The following INVS variants were observed in gnomAD, a reference collection of about 807,000 sequenced individuals.
INVS encodes the protein inversion of embryo turning homolog.
INVS carries 86 observed loss-of-function variants against 108.8 expected under a neutral mutation model. The observed-to-expected ratio is 0.79, with a 90% CI of 0.66 to 0.95. INVS has a LOEUF of 0.95. Among genes scored for constraint, INVS ranks in the 40% least tolerant of loss-of-function variants. The pLI is 0.00. For synonymous variants in INVS, 455 were observed against 473.5 expected (o/e 0.96, Z 0.51); for missense variants, 1,169 against 1,297.4 (o/e 0.90, Z 1.52).
At chr9:100,139,117 G>T (rs1034377810) in intron 3 of INVS, among the ~76,000 whole-genome samples, 3 of 152,162 alleles carry the variant, frequency 2.0e-5, no homozygotes, top group Non-Finnish European at 4.4e-5. Context: ...ATATTATAGG[G>T]TACAGAAATG....
intron 3 of INVS, chr9:100,129,706 T>C (rs1274043835): frequency 7.0e-6 from 5 of 713,456 alleles, no homozygotes; most frequent in Non-Finnish European, 1.0e-5. Flanking sequence ...AGGCAGGATC[T>C]AAGAGACTAC....
At chr9:100,195,539 G>A (rs934152864) in intron 3 of INVS, among the ~76,000 whole-genome samples, 4 of 151,924 alleles carry the variant, frequency 2.6e-5, no homozygotes, top group Non-Finnish European at 4.4e-5. Context: ...TCAAGCTGGA[G>A]TGCAGTGATG....
At position 100,300,629 on chromosome 9, in the gene INVS, T is replaced by C. The variant is rs764214687; in HGVS notation, c.3153T>C (p.Tyr1051=). The C allele has an allele frequency of 1.2e-5, 19 of 1,613,914 alleles. No homozygotes were observed. The African/African-American group carries it at 1.2e-4, about 10-fold the overall frequency. The change falls in exon 17 of 17, where the codon TAT becomes TAC. Residue 1051 remains tyrosine, a synonymous_variant. Coordinates refer to ENST00000262457, the MANE Select transcript of INVS (RefSeq NM_014425.5). Reference sequence around the variant, plus strand: ...GTGGAAGATCAAAGAACTTTTCTTATAACCTGCAATCAGCTACTCAGCCAA... The same window carrying C: ...GTGGAAGATCAAAGAACTTTTCTTACAACCTGCAATCAGCTACTCAGCCAA... ...ENSGRSKNFS[Y]NLQSATQPKN... is the part of the protein sequence containing the mutation.
At chr9:100,177,394 A>T (rs1829751378) in intron 3 of INVS, among the ~76,000 whole-genome samples, 1 of 152,228 alleles carries the variant, frequency 6.6e-6, no homozygotes, top group Non-Finnish European at 1.5e-5. Context: ...TCTTGCTGCC[A>T]TCACAGCAGT....
At chr9:100,123,842 G>A (rs1009835487) in intron 2 of INVS, among the ~76,000 whole-genome samples, 3 of 152,134 alleles carry the variant, frequency 2.0e-5, no homozygotes, top group African/African-American at 7.2e-5. Flanking sequence ...TTTTTGTTCT[G>A]TTACCCAGGC....
In INVS at chr9:100,300,863, T is replaced by C. The variant is rs957025265; in HGVS notation, c.*189T>C. ...CTTTCTGCTCTTACACAGCATTGTT[T>C]TGTCAATCAACACAGCCTGCACTGA... On this transcript the variant is annotated 3_prime_UTR_variant, in exon 17 of 17. Coordinates refer to ENST00000262457, the MANE Select transcript of INVS (RefSeq NM_014425.5). The C allele has an allele frequency of 7.9e-6, 5 of 629,030 alleles. No homozygotes were observed. The Admixed American group carries it at 1.2e-4, about 15-fold the overall frequency. The allele number at this position is 629,030 out of a possible 1,614,324, so 39.0% of individuals were successfully genotyped here.
At chr9:100,112,400 A>G (rs1827365888) in intron 2 of INVS, among the ~76,000 whole-genome samples, 1 of 152,356 alleles carries the variant, frequency 6.6e-6, no homozygotes, top group South Asian at 2.1e-4. Flanking sequence ...TTACAAAGAA[A>G]CAATGTATGT....
At position 100,284,338 on chromosome 9, in the gene INVS, C is replaced by A; in HGVS notation, c.1803C>A (p.Asn601Lys). 6.2e-7 allele frequency: 1 copy of A among 1,613,172 alleles called. No homozygotes were observed. Among genetic ancestry groups the A allele is most frequent in the East Asian group, 2.2e-5 (1 of 44,898 alleles). ...DAAAKKREEE[N>K]KRKEAEQQKG... ...CTTCCAGAAAGCGAGAGGAAGAAAA[C>A]AAACGAAAAGAGGCAGAACAGCAAA... The change falls in exon 13 of 17, where the codon AAC (asparagine) becomes AAA (lysine). Residue 601 changes from asparagine (N) to lysine (K), a missense_variant. By Grantham distance (94) the Asn-to-Lys change is moderately conservative. Coordinates refer to ENST00000262457, the MANE Select transcript of INVS (RefSeq NM_014425.5).
chr9:100,135,692 T>G (rs1450470179), intron 3 of INVS, among the ~76,000 whole-genome samples: 5 of 152,034 alleles, frequency 3.3e-5, no homozygotes, highest in Admixed American at 3.3e-4. Context: ...TGAGAGGAAG[T>G]TATCGAGTTC....
chr9:100,228,875 A>G lies in INVS; in HGVS notation c.448-785A>G, dbSNP rs539357936. ...CCTTGTTCAAAGGAAATATATTCCA[A>G]CACCTCCAATGGACACTTGAAACTG... On this transcript the variant is annotated intron_variant, in intron 4 of 16. Coordinates refer to ENST00000262457, the MANE Select transcript of INVS (RefSeq NM_014425.5). Among the ~76,000 whole-genome samples, 152 of 152,320 alleles carry G rather than the reference A, an allele frequency of 1.0e-3. 5 individuals carry two copies. The South Asian group carries it at 0.03, about 30-fold the overall frequency.
intron 13 of INVS, 93 bp from the exon 14 acceptor site, chr9:100,292,233 T>C: frequency 8.8e-7 from 1 of 1,138,786 alleles, no homozygotes; most frequent in Non-Finnish European, 1.3e-6. Flanking sequence ...ATGGTGATGA[T>C]ATAGGCTAAG....
At chr9:100,143,510 A>G (rs1297339532) in intron 3 of INVS, among the ~76,000 whole-genome samples, 1 of 151,688 alleles carries the variant, frequency 6.6e-6, no homozygotes, top group South Asian at 2.1e-4. Flanking sequence ...GTCACTAAGG[A>G]GGGAGTAGGG....
intron 12 of INVS, among the ~76,000 whole-genome samples, chr9:100,283,137 C>G (rs145518616): frequency 6.6e-6 from 1 of 152,116 alleles, no homozygotes; most frequent in East Asian, 1.9e-4. Context: ...AGTGAGACCC[C>G]CCCTCCCCAT....
At chr9:100,141,938 G>C (rs1040465076) in intron 3 of INVS, among the ~76,000 whole-genome samples, 1 of 152,190 alleles carries the variant, frequency 6.6e-6, no homozygotes, top group Admixed American at 6.5e-5. Context: ...TTTGCCTTCT[G>C]TGGGAAGAGA....
chr9:100,294,980 G>A (rs757170464), intron 14 of INVS, among the ~76,000 whole-genome samples: 3 of 152,208 alleles, frequency 2.0e-5, no homozygotes, highest in African/African-American at 4.8e-5. Context: ...ACATTACAGA[G>A]CAAGTGCCAG....
At chr9:100,201,732 G>A (rs1243293517) in intron 3 of INVS, among the ~76,000 whole-genome samples, 1 of 152,194 alleles carries the variant, frequency 6.6e-6, no homozygotes, top group Non-Finnish European at 1.5e-5. Context: ...CACTAAACTG[G>A]AAAGGTATAG....
chr9:100,214,457 G>A lies in INVS; in HGVS notation c.274-11605G>A, dbSNP rs188948247. On this transcript the variant is annotated intron_variant, in intron 3 of 16. Coordinates refer to ENST00000262457, the MANE Select transcript of INVS (RefSeq NM_014425.5). ...AAAGAGTCACTTTATTTCAGGATTTGTCATTAAACTTGGATCAACCATTAC... is the reference window on the plus strand; with the variant it reads ...AAAGAGTCACTTTATTTCAGGATTTATCATTAAACTTGGATCAACCATTAC... Among the ~76,000 whole-genome samples, 17 of 152,290 alleles carry A rather than the reference G, an allele frequency of 1.1e-4. No individual in the cohort carries two copies. The East Asian group carries it at 3.3e-3, about 29-fold the overall frequency.
At chr9:100,106,074 C>T (rs1398906413) in intron 2 of INVS, among the ~76,000 whole-genome samples, 1 of 152,060 alleles carries the variant, frequency 6.6e-6, no homozygotes, top group Non-Finnish European at 1.5e-5. Context: ...TCTACTGAAT[C>T]CTGTGACTGC....
intron 10 of INVS, among the ~76,000 whole-genome samples, chr9:100,260,394 T>C (rs1367565220): frequency 6.6e-6 from 1 of 151,906 alleles, no homozygotes; most frequent in Non-Finnish European, 1.5e-5. Flanking sequence ...GATTTCACCA[T>C]GTTGGTCAGT....
Sources: allele counts gnomAD v4.1 joint callset (sites outside exome capture counted in the v4.1 genomes callset), GRCh38; gene constraint gnomAD v4.1.1; transcripts MANE v1.5; gene names NCBI Gene and HGNC (gene_info 2026-07-23, HGNC 2026-07-21).